Variants in ATP13A5 observed in about 807,000 individuals in gnomAD.
ATP13A5 encodes probable cation-transporting ATPase 13A5.
In ATP13A5, 149 loss-of-function variants were observed where a neutral mutation model predicts 150.2. The observed-to-expected ratio is 0.99, with a 90% CI of 0.87 to 1.14. The LOEUF is 1.14. Ranked by LOEUF, ATP13A5 falls within the 50% of genes most tolerant of loss-of-function variation. The pLI is 0.00. For missense variants in ATP13A5, 1,383 were observed against 1,449.3 expected, an observed-to-expected ratio of 0.95 and a Z score of 0.74; for synonymous variants, 497 against 522.2, an observed-to-expected ratio of 0.95 and a Z score of 0.66.
At chr3:193,316,531 G>A (rs918954530) in intron 17 of ATP13A5, among the ~76,000 whole-genome samples, 3 of 152,046 alleles carry the variant, frequency 2.0e-5, no homozygotes, top group Non-Finnish European at 4.4e-5. Flanking sequence ...GGTATGAGGT[G>A]GTATTTCATT....
Position 193,288,878 on chromosome 3 carries a change from A to T in ATP13A5, c.3023+1007T>A, listed in dbSNP as rs1560115310. 5.3e-5 allele frequency among the ~76,000 whole-genome samples: 8 copies of T among 152,142 alleles called. 1 individual carries two copies. The highest frequency in any genetic ancestry group is 4.6e-4 in the Admixed American group (7 of 15,258). On this transcript the variant is annotated intron_variant, in intron 26 of 29. Coordinates refer to ENST00000342358, the MANE Select transcript of ATP13A5 (RefSeq NM_198505.4). ...GGCACATCTAGTTAGTGATAGAGTC[A>T]GGAATTCTTAGAATTCCTGATTTCC... is the stretch of plus-strand genomic sequence containing the variant.
chr3:193,278,445 C>G (rs1327335817), intron 28 of ATP13A5, among the ~76,000 whole-genome samples: 3 of 152,142 alleles, frequency 2.0e-5, no homozygotes, highest in Non-Finnish European at 2.9e-5. Flanking sequence ...GTTCATACTC[C>G]ACAGCACATG....
At chr3:193,286,495 G>T (rs112314418) in intron 26 of ATP13A5, among the ~76,000 whole-genome samples, 1 of 151,920 alleles carries the variant, frequency 6.6e-6, no homozygotes, top group Non-Finnish European at 1.5e-5. Flanking sequence ...TAAACTTTTC[G>T]AAATAATTAC....
intron 17 of ATP13A5, among the ~76,000 whole-genome samples, chr3:193,315,497 A>G (rs1719015046): frequency 6.6e-6 from 1 of 152,214 alleles, no homozygotes; most frequent in South Asian, 2.1e-4. Context: ...CATACAAGAC[A>G]CGATAGTAGT....
intron 16 of ATP13A5, 115 bp downstream of exon 16, chr3:193,321,566 G>C: frequency 1.7e-6 from 2 of 1,156,068 alleles, no homozygotes; most frequent in Non-Finnish European, 2.4e-6. Flanking sequence ...GGGAGGTGGA[G>C]GCTACAGTGA....
chr3:193,333,500 G>A (rs1400223548), intron 11 of ATP13A5, among the ~76,000 whole-genome samples: 1 of 152,140 alleles, frequency 6.6e-6, no homozygotes, highest in Non-Finnish European at 1.5e-5. Flanking sequence ...CTGTAAAAGT[G>A]GAAATTAACT....
intron 18 of ATP13A5, among the ~76,000 whole-genome samples, chr3:193,314,756 A>C (rs1444868823): frequency 6.6e-6 from 1 of 152,194 alleles, no homozygotes; most frequent in East Asian, 1.9e-4. Context: ...AGGGGTAGTC[A>C]TTAGACAAAG....
At chr3:193,363,417 G>A (rs2367605) in intron 2 of ATP13A5, 35 bp from the exon 3 acceptor site, 819,771 of 1,592,022 alleles carry the variant, frequency 0.51, 213,302 homozygotes, top group African/African-American at 0.65. Context: ...AAATTCTCAA[G>A]TGTTATTCAG....
At chr3:193,307,139 C>T (rs10804952) in intron 22 of ATP13A5, 188 bp downstream of exon 22, 705,353 of 1,418,036 alleles carry the variant, frequency 0.5, 180,322 homozygotes, top group Non-Finnish European at 0.53. Flanking sequence ...CAGAAAGCAT[C>T]GGAAGTGTCT....
At chr3:193,349,674 T>C (rs906755839) in intron 7 of ATP13A5, among the ~76,000 whole-genome samples, 5 of 151,948 alleles carry the variant, frequency 3.3e-5, no homozygotes, top group African/African-American at 1.2e-4. Context: ...ATCAGGAAAA[T>C]GTACCTTAAA....
intron 8 of ATP13A5, among the ~76,000 whole-genome samples, chr3:193,344,376 T>C (rs1428366762): frequency 6.6e-6 from 1 of 152,184 alleles, no homozygotes; most frequent in Non-Finnish European, 1.5e-5. Context: ...TCCGGGTTTC[T>C]GATTCCTGTG....
intron 28 of ATP13A5, among the ~76,000 whole-genome samples, chr3:193,278,760 A>C (rs1717343151): frequency 6.6e-6 from 1 of 152,134 alleles, no homozygotes; most frequent in Non-Finnish European, 1.5e-5. Context: ...TCAAGTATGG[A>C]TAGCCTCAGG....
At chr3:193,283,715 C>T (rs1199815483) in intron 27 of ATP13A5, among the ~76,000 whole-genome samples, 2 of 152,044 alleles carry the variant, frequency 1.3e-5, no homozygotes, top group Non-Finnish European at 2.9e-5. Context: ...GACATTTTCA[C>T]ACTATTTTAC....
Position 193,305,564 on chromosome 3 carries a change from G to A in ATP13A5, c.2673C>T (p.Leu891=), listed in dbSNP as rs747470455. Reference sequence around the variant, plus strand: ...AAGAGGAAAAAATGACTTACCTGATGAGATGAGGCACACACTGGATGTTGG... The same window carrying A: ...AAGAGGAAAAAATGACTTACCTGATAAGATGAGGCACACACTGGATGTTGG... ...KTTNIQCVPH[L]IREGRAALVS... The change falls in exon 23 of 30, where the codon CTC becomes CTT. Residue 891 remains leucine (L), a synonymous_variant. Transcript: ENST00000342358. 2.5e-6 allele frequency: 4 copies of A among 1,613,152 alleles called. No individual in the cohort carries two copies. The highest frequency in any genetic ancestry group is 3.4e-6 in the Non-Finnish European group (4 of 1,179,154).
At chr3:193,347,451 A>G (rs76303380) in intron 7 of ATP13A5, among the ~76,000 whole-genome samples, 17,651 of 151,882 alleles carry the variant, frequency 0.12, 1,343 homozygotes, top group Non-Finnish European at 0.16. Flanking sequence ...TTTTCTGTTG[A>G]GGAATATGTT....
At chr3:193,364,349 TA>T in intron 1 of ATP13A5, 69 bp from the exon 2 acceptor site, 2 of 1,541,898 alleles carry the variant, frequency 1.3e-6, no homozygotes, top group Non-Finnish European at 1.8e-6. Context: ...TTTCTTTCAA[TA>T]AACCAAACTT....
chr3:193,292,277 C>T (rs1287595455), intron 25 of ATP13A5, among the ~76,000 whole-genome samples: 1 of 152,102 alleles, frequency 6.6e-6, no homozygotes, highest in African/African-American at 2.4e-5. Context: ...GTATCCAAAG[C>T]AGAATGTAGC....
At chr3:193,354,099 CAA>C (rs11300573) in intron 6 of ATP13A5, 26 bp downstream of exon 6, 118 of 1,484,764 alleles carry the variant, frequency 7.9e-5, no homozygotes, top group Admixed American at 2.2e-4. Flanking sequence ...TCTATTTTTT[CAA>C]AAAAAAAAGA....
intron 17 of ATP13A5, among the ~76,000 whole-genome samples, chr3:193,318,527 G>C (rs1437760904): frequency 6.6e-6 from 1 of 152,116 alleles, no homozygotes; most frequent in East Asian, 1.9e-4. Context: ...AGATACGAAG[G>C]AGATGTTGTA....
Sources: allele counts gnomAD v4.1 joint callset (sites outside exome capture counted in the v4.1 genomes callset), GRCh38; gene constraint gnomAD v4.1.1; transcripts MANE v1.5; gene names NCBI Gene and HGNC (gene_info 2026-07-23, HGNC 2026-07-21).